Variants in SLC10A7 observed in about 807,000 individuals in gnomAD.
The protein encoded by SLC10A7 is solute carrier family 10 member 7, also known as sodium/bile acid cotransporter 7.
Under a neutral mutation model 43.2 loss-of-function variants are expected in SLC10A7, and 29 were observed. The ratio of observed to expected loss-of-function variants is 0.67; its 90% confidence interval spans 0.50 to 0.92. The LOEUF is 0.92. SLC10A7 is among the 40% of genes least tolerant of loss of function. SLC10A7 has a pLI of 0.00. For synonymous variants in SLC10A7, 152 were observed against 144.8 expected (o/e 1.05, Z -0.35); for missense variants, 295 against 403.2 (o/e 0.73, Z 2.30).
chr4:146,277,010 T>C (rs887976571), intron 10 of SLC10A7, among the ~76,000 whole-genome samples: 3 of 152,140 alleles, frequency 2.0e-5, no homozygotes, highest in African/African-American at 7.2e-5. Flanking sequence ...TGGTGACTAT[T>C]TGAGGAAGAA....
intron 10 of SLC10A7, among the ~76,000 whole-genome samples, chr4:146,270,795 A>G (rs1469395086): frequency 6.6e-6 from 1 of 152,232 alleles, no homozygotes; most frequent in Non-Finnish European, 1.5e-5. Flanking sequence ...GAGCAAGCAT[A>G]GCTATTGTGC....
chr4:146,460,668 G>A lies in SLC10A7; in HGVS notation c.397-17847C>T, dbSNP rs138034731. On this transcript the variant is annotated intron_variant, in intron 4 of 11. Transcript: ENST00000335472. The stretch of plus-strand genomic sequence containing the variant: ...AGATCACAGGCTGTCAAGGACTGCA[G>A]GTAGAGGAAGGGGAAAGAGCCATAA... Among the ~76,000 whole-genome samples the A allele has an allele frequency of 1.1e-3, 167 of 152,096 alleles. 1 individual carries two copies. In the South Asian group the frequency reaches 0.016, roughly 14 times the overall value.
At chr4:146,496,623 T>G (rs1387939551) in intron 4 of SLC10A7, among the ~76,000 whole-genome samples, 1 of 152,186 alleles carries the variant, frequency 6.6e-6, no homozygotes, top group East Asian at 1.9e-4. Context: ...GTGCCCCAGT[T>G]TATTACCATT....
chr4:146,275,627 G>A (rs1729156212), intron 10 of SLC10A7, among the ~76,000 whole-genome samples: 1 of 152,152 alleles, frequency 6.6e-6, no homozygotes. Flanking sequence ...TCATGTATAA[G>A]TTCTGGATTC....
Position 146,314,828 on chromosome 4 carries a change from G to T in SLC10A7, c.472-8819C>A, listed in dbSNP as rs138894184. On this transcript the variant is annotated intron_variant, in intron 6 of 11. Transcript: ENST00000335472. Reference sequence around the variant, plus strand: ...CTCAAAGTGTTACTGACCTTTCTCTGCCAATTATGCACCTATTTAAATAAA... The same window carrying T: ...CTCAAAGTGTTACTGACCTTTCTCTTCCAATTATGCACCTATTTAAATAAA... Among the ~76,000 whole-genome samples the T allele has an allele frequency of 1.5e-3, 232 of 152,164 alleles. 1 individual carries two copies. The highest frequency in any genetic ancestry group is 5.4e-3 in the African/African-American group (224 of 41,528).
chr4:146,432,046 T>C (rs1211429398), intron 5 of SLC10A7, among the ~76,000 whole-genome samples: 1 of 152,152 alleles, frequency 6.6e-6, no homozygotes, highest in East Asian at 1.9e-4. Flanking sequence ...TCCAACATCA[T>C]TAGACGCTAG....
intron 2 of SLC10A7, chr4:146,513,905 G>A (rs1056973800): frequency 5.3e-5 from 8 of 152,178 alleles, no homozygotes; most frequent in Non-Finnish European, 1.0e-4. Context: ...AGTTGGCTCT[G>A]CATCATAGTT....
intron 2 of SLC10A7, chr4:146,515,090 C>T (rs1327975762): frequency 1.4e-6 from 1 of 701,742 alleles, no homozygotes; most frequent in Non-Finnish European, 2.6e-6. Flanking sequence ...TGGCATTCTT[C>T]CTTCTTCAAC....
chr4:146,443,089 G>T (rs1025991554), intron 4 of SLC10A7, among the ~76,000 whole-genome samples: 2 of 152,094 alleles, frequency 1.3e-5, no homozygotes, highest in Non-Finnish European at 2.9e-5. Context: ...AGTACCAAAA[G>T]AATCATTGCC....
At chr4:146,441,713 T>A in intron 5 of SLC10A7, 1 of 985,322 alleles carries the variant, frequency 1.0e-6, no homozygotes, top group Non-Finnish European at 1.2e-6. Flanking sequence ...TAATACAGCA[T>A]CACAAAAACC....
intron 4 of SLC10A7, among the ~76,000 whole-genome samples, chr4:146,452,412 C>T (rs928851579): frequency 1.3e-5 from 2 of 152,028 alleles, no homozygotes; most frequent in African/African-American, 4.8e-5. Flanking sequence ...AAGACTAAAA[C>T]ATCAAAGACT....
intron 4 of SLC10A7, among the ~76,000 whole-genome samples, chr4:146,493,486 G>GAA (rs754079380): frequency 3.8e-5 from 5 of 130,956 alleles, no homozygotes; most frequent in African/African-American, 8.4e-5. Flanking sequence ...ACTCTGTCTC[G>GAA]AAAAAAAAAA....
chr4:146,259,813 C>T (rs1728110823), intron 10 of SLC10A7, among the ~76,000 whole-genome samples: 1 of 152,160 alleles, frequency 6.6e-6, no homozygotes, highest in Non-Finnish European at 1.5e-5. Flanking sequence ...TTTAATGCAG[C>T]CACAGTCTTC....
intron 6 of SLC10A7, among the ~76,000 whole-genome samples, chr4:146,312,252 CT>C (rs1419331693): frequency 6.6e-6 from 1 of 151,976 alleles, no homozygotes; most frequent in Non-Finnish European, 1.5e-5. Context: ...CTTCACTTTT[CT>C]TTTTGTTTAT....
intron 6 of SLC10A7, among the ~76,000 whole-genome samples, chr4:146,325,617 C>A (rs1474885597): frequency 2.0e-5 from 3 of 152,098 alleles, no homozygotes; most frequent in Admixed American, 6.6e-5. Context: ...TTCTGTTAAA[C>A]ACTATCAAAC....
In SLC10A7 at chr4:146,374,317, G is replaced by A. The variant is rs1016618877; in HGVS notation, c.436-48321C>T. 3.9e-5 allele frequency among the ~76,000 whole-genome samples: 6 copies of A among 152,000 alleles called. No homozygotes were observed. In the East Asian group the frequency reaches 5.8e-4, roughly 15 times the overall value. On this transcript the variant is annotated intron_variant, in intron 5 of 11. Coordinates refer to ENST00000335472, the MANE Select transcript of SLC10A7 (RefSeq NM_001029998.6). ...AACATAGCTATTTTGGGCCAGGTGC[G>A]GTGGCTCATGTCTGTAATCCTAGCA...
chr4:146,493,591 T>C (rs72731813), intron 4 of SLC10A7, among the ~76,000 whole-genome samples: 8,692 of 152,278 alleles, frequency 0.057, 361 homozygotes, highest in Middle Eastern at 0.11. Flanking sequence ...GATGCTTTTC[T>C]AGGCTTTACT....
intron 9 of SLC10A7, among the ~76,000 whole-genome samples, chr4:146,290,720 A>G (rs1429771384): frequency 6.6e-6 from 1 of 152,118 alleles, no homozygotes; most frequent in Admixed American, 6.5e-5. Flanking sequence ...TTAGCCGGGC[A>G]TGGTGGTGTT....
At chr4:146,493,741 A>G (rs945185371) in intron 4 of SLC10A7, among the ~76,000 whole-genome samples, 4 of 152,222 alleles carry the variant, frequency 2.6e-5, no homozygotes, top group Non-Finnish European at 5.9e-5. Flanking sequence ...GGTATCTGAC[A>G]TGAATATTCC....
Sources: gnomAD v4.1 joint callset for allele counts (sites outside exome capture counted in the v4.1 genomes callset) on GRCh38, gnomAD v4.1.1 for gene constraint, MANE v1.5 for transcripts, NCBI Gene and HGNC (gene_info 2026-07-23, HGNC 2026-07-21) for gene names.